TAF8: variants seen among roughly 807,000 people sequenced by gnomAD.
TAF8 encodes transcription initiation factor TFIID subunit 8.
Under a neutral mutation model 36.5 loss-of-function variants are expected in TAF8, and 47 were observed. That is an observed-to-expected ratio of 1.29 (90% CI 1.02 to 1.64). The LOEUF (loss-of-function observed/expected upper bound fraction) is 1.64. TAF8 is among the 40% of genes most tolerant of loss of function. The pLI is 0.00. For missense variants in TAF8, 420 were observed against 407.6 expected, an observed-to-expected ratio of 1.03 and a Z score of -0.26; for synonymous variants, 175 against 159.5, an observed-to-expected ratio of 1.10 and a Z score of -0.73.
chr6:42,055,697 T>A, intron 3 of TAF8, 68 bp downstream of exon 3: 1 of 1,243,728 alleles, frequency 8.0e-7, no homozygotes, highest in South Asian at 1.2e-5. Flanking sequence ...ATCAGGCATG[T>A]CTGCTAAGTG....
chr6:42,051,242 A>C, intron 1 of TAF8, 115 bp from the exon 2 acceptor site: 2 of 1,337,530 alleles, frequency 1.5e-6, no homozygotes, highest in Non-Finnish European at 2.0e-6. Context: ...AACATTAAGC[A>C]CTGATTTTTA....
At position 42,051,579 on chromosome 6, in the gene TAF8, A is replaced by G. The variant is rs1018315374; in HGVS notation, c.202+66A>G. On this transcript the variant is annotated intron_variant, in intron 2 of 8. Coordinates refer to ENST00000372977, the MANE Select transcript of TAF8 (RefSeq NM_138572.3). ...CATCAGTTCTGTGCCCTGCTTTGTG[A>G]TAGTGTTTGAGAGGATTTAAGAAAC... 3.9e-6 allele frequency: 6 copies of G among 1,543,346 alleles called. No individual in the cohort carries two copies. The Admixed American group carries it at 5.7e-5, about 15-fold the overall frequency.
intron 4 of TAF8, among the ~76,000 whole-genome samples, chr6:42,056,638 T>C (rs1259031371): frequency 6.6e-6 from 1 of 152,212 alleles, no homozygotes; most frequent in African/African-American, 2.4e-5. Context: ...AGTCTCGCTC[T>C]GTTGCCCAGG....
At position 42,080,513 on chromosome 6, in the gene TAF8, C is replaced by T. The variant is rs1765892125; in HGVS notation, c.*2968C>T. 2.3e-5 allele frequency: 10 copies of T among 434,996 alleles called. No individual in the cohort carries two copies. Among genetic ancestry groups the T allele is most frequent in the Non-Finnish European group, 3.1e-5 (10 of 327,270 alleles). The allele number at this position is 434,996 out of a possible 1,614,324, so 26.9% of individuals were successfully genotyped here. A position where few individuals can be genotyped will look rare whatever the true frequency, so the allele number is the denominator to read the frequency against. The stretch of plus-strand genomic sequence containing the variant: ...TCAGCCTCCTGAGTAGCTGGGATTA[C>T]AGGCACCTACCACAATTCTCGGCTA... On this transcript the variant is annotated 3_prime_UTR_variant, in exon 9 of 9. Coordinates refer to ENST00000372977, the MANE Select transcript of TAF8 (RefSeq NM_138572.3).
intron 5 of TAF8, among the ~76,000 whole-genome samples, chr6:42,060,307 T>G (rs558348175): frequency 6.6e-6 from 1 of 152,348 alleles, no homozygotes; most frequent in Admixed American, 6.5e-5. Context: ...CCAGTCCCCA[T>G]TTTTATTAAA....
At chr6:42,073,675 T>C (rs1765658126) in intron 7 of TAF8, among the ~76,000 whole-genome samples, 1 of 151,998 alleles carries the variant, frequency 6.6e-6, no homozygotes, top group Non-Finnish European at 1.5e-5. Context: ...GTGAGTGGCT[T>C]GTGGGAGGGA....
intron 3 of TAF8, 147 bp from the exon 4 acceptor site, chr6:42,055,805 C>A: frequency 2.8e-6 from 2 of 725,208 alleles, no homozygotes; most frequent in Non-Finnish European, 2.4e-6. Context: ...TCATAATTCC[C>A]TGTTAGGGAA....
At chr6:42,063,792 C>G (rs1765263979) in intron 5 of TAF8, 1 of 151,046 alleles carries the variant, frequency 6.6e-6, no homozygotes. Flanking sequence ...AGTTCTCGCT[C>G]TGTTGCCCAG....
rs1014780512 is a variant in TAF8 at position 42,078,523 on chromosome 6, G to A, written c.*978G>A. ...CTCCCTCAACGTGTCGGAAACAGGA[G>A]GCCACACAGCACAGCTTTGTTTGGG... On this transcript the variant is annotated 3_prime_UTR_variant, in exon 9 of 9. Coordinates refer to ENST00000372977, the MANE Select transcript of TAF8 (RefSeq NM_138572.3). 8 of 985,400 alleles carry A rather than the reference G, an allele frequency of 8.1e-6. No homozygotes were observed. The Admixed American group carries it at 3.7e-4, about 45-fold the overall frequency. The allele number at this position is 985,400 out of a possible 1,614,324, so 61.0% of individuals were successfully genotyped here. A position where few individuals can be genotyped will look rare whatever the true frequency, so the allele number is the denominator to read the frequency against.
intron 1 of TAF8, chr6:42,051,075 G>A: frequency 4.5e-6 from 5 of 1,117,782 alleles, no homozygotes; most frequent in Non-Finnish European, 5.5e-6. Context: ...TGTTTCTTCA[G>A]CTATGTATTC....
rs138547844 is a variant in TAF8, at chr6:42,068,347, G to A, written c.638-118G>A. On this transcript the variant is annotated intron_variant, in intron 6 of 8. Coordinates refer to ENST00000372977, the MANE Select transcript of TAF8 (RefSeq NM_138572.3). ...GGCCTGTTGTGTAAGTACTTGGAGC[G>A]AGTTAGCTAGTATTATCTTCTGGTG... The A allele has an allele frequency of 1.0e-3, 1,111 of 1,095,800 alleles. 5 individuals are homozygous for A. The highest frequency in any genetic ancestry group is 5.6e-3 in the Middle Eastern group (21 of 3,720). 67.9% of individuals were successfully genotyped at this position (1,095,800 alleles called of 1,614,324 possible). A position where few individuals can be genotyped will look rare whatever the true frequency, so the allele number is the denominator to read the frequency against.
intron 8 of TAF8, 130 bp downstream of exon 8, chr6:42,077,369 C>T: frequency 6.7e-7 from 1 of 1,501,910 alleles, no homozygotes; most frequent in Non-Finnish European, 8.9e-7. Flanking sequence ...GAATAGTCTC[C>T]CTTTTCCTGT....
downstream of TAF8, among the ~76,000 whole-genome samples, chr6:42,084,288 T>G (rs1210076901): frequency 6.6e-6 from 1 of 151,566 alleles, no homozygotes; most frequent in African/African-American, 2.4e-5. Flanking sequence ...GAAAACACGG[T>G]GTATTTGGAA....
Position 42,077,789 on chromosome 6 carries a change from T to C in TAF8, c.*244T>C. On this transcript the variant is annotated 3_prime_UTR_variant, in exon 9 of 9. Transcript: ENST00000372977. ...TTTTTATTTTGAGATGGAGTCTTAC[T>C]CTATCACCCAGGCTGGAATGCAGTG... 2.2e-6 allele frequency: 3 copies of C among 1,333,634 alleles called. No individual in the cohort carries two copies. Among genetic ancestry groups the C allele is most frequent in the Non-Finnish European group, 2.9e-6 (3 of 1,031,572 alleles). 82.6% of individuals were successfully genotyped at this position (1,333,634 alleles called of 1,614,324 possible).
At chr6:42,066,270 T>G in intron 5 of TAF8, 42 bp from the exon 6 acceptor site, 1 of 1,607,946 alleles carries the variant, frequency 6.2e-7, no homozygotes, top group Non-Finnish European at 8.5e-7. Context: ...AGCAGAATGA[T>G]ACTTCGGCAT....
Position 42,051,383 on chromosome 6 carries a change from C to A in TAF8, c.72C>A (p.Asn24Lys). Residue 24 changes from asparagine (N) to lysine (K), a missense_variant, in exon 2 of 9, where the codon AAC becomes AAA. By Grantham distance (94) the Asn-to-Lys change is moderately conservative. Coordinates refer to ENST00000372977, the MANE Select transcript of TAF8 (RefSeq NM_138572.3). Reference protein sequence around the residue: ...GTRSGSKQSTNPADNYHLARR... With the variant: ...GTRSGSKQSTKPADNYHLARR... ...GATCGGGAAGTAAACAGTCCACTAA[C>A]CCTGCCGATAACTATCATCTGGCCC... 6.2e-7 allele frequency: 1 copy of A among 1,614,154 alleles called. No homozygotes were observed. The highest frequency in any genetic ancestry group is 2.2e-5 in the East Asian group (1 of 44,890).
At chr6:42,057,278 GA>G in intron 4 of TAF8, 110 bp from the exon 5 acceptor site, 1 of 1,482,630 alleles carries the variant, frequency 6.7e-7, no homozygotes, top group Non-Finnish European at 9.3e-7. Flanking sequence ...AACTTGTTTA[GA>G]AAATTGAGGT....
intron 5 of TAF8, among the ~76,000 whole-genome samples, chr6:42,065,882 T>A (rs1765344199): frequency 6.6e-6 from 1 of 152,034 alleles, no homozygotes; most frequent in African/African-American, 2.4e-5. Flanking sequence ...TAGTATTGGG[T>A]CATTTAATTT....
chr6:42,081,969 C>T lies in TAF8; in HGVS notation c.*4424C>T, dbSNP rs1246056850. 2.0e-5 allele frequency: 3 copies of T among 152,196 alleles called. No individual in the cohort carries two copies. The highest frequency in any genetic ancestry group is 1.9e-4 in the East Asian group (1 of 5,202). 9.4% of individuals were successfully genotyped at this position (152,196 alleles called of 1,614,324 possible). The stretch of plus-strand genomic sequence containing the variant: ...GAGAGAGATCCTATGTACCCATCAC[C>T]CACTTTCTCCCAGTGGTAGCATCTT... On this transcript the variant is annotated 3_prime_UTR_variant, in exon 9 of 9. Coordinates refer to ENST00000372977, the MANE Select transcript of TAF8 (RefSeq NM_138572.3).
Sources: allele counts gnomAD v4.1 joint callset (sites outside exome capture counted in the v4.1 genomes callset), GRCh38; gene constraint gnomAD v4.1.1; transcripts MANE v1.5; gene names NCBI Gene and HGNC (gene_info 2026-07-23, HGNC 2026-07-21).